The following NCOA2 variants were observed in gnomAD, a reference collection of about 807,000 sequenced individuals.
The protein encoded by NCOA2 is class E basic helix-loop-helix protein 75.
In NCOA2, 21 loss-of-function variants were observed where a neutral mutation model predicts 145.1. The observed-to-expected ratio is 0.14, with a 90% confidence interval of 0.10 to 0.21. NCOA2 has a LOEUF of 0.21. NCOA2 is among the 10% of genes least tolerant of loss of function. NCOA2 has a pLI of 1.00. For synonymous variants in NCOA2, 619 were observed against 637.5 expected, an observed-to-expected ratio of 0.97 and a Z score of 0.44; for missense variants, 1,472 against 1,837.6, an observed-to-expected ratio of 0.80 and a Z score of 3.64.
At chr8:70,271,007 T>C (rs961220753) in intron 2 of NCOA2, among the ~76,000 whole-genome samples, 1 of 152,272 alleles carries the variant, frequency 6.6e-6, no homozygotes, top group Non-Finnish European at 1.5e-5. Flanking sequence ...TGAAATTCTA[T>C]GAACATACTT....
chr8:70,438,703 C>G, the NCOA2 span, among the ~76,000 whole-genome samples: 1 of 152,224 alleles, frequency 6.6e-6, no homozygotes, highest in Non-Finnish European at 1.5e-5. Flanking sequence ...AAAATACATG[C>G]ATTTTAATAA....
chr8:70,135,951 C>T (rs1030358741), intron 15 of NCOA2, among the ~76,000 whole-genome samples: 1 of 152,140 alleles, frequency 6.6e-6, no homozygotes, highest in African/African-American at 2.4e-5. Flanking sequence ...ATAACATTAC[C>T]ATTTCTTCAC....
chr8:70,453,773 G>A, the NCOA2 span, among the ~76,000 whole-genome samples: 1 of 152,144 alleles, frequency 6.6e-6, no homozygotes, highest in East Asian at 1.9e-4. Context: ...ACACACAGAA[G>A]TCAAACACTG....
the NCOA2 span, among the ~76,000 whole-genome samples, chr8:70,440,404 C>T: frequency 4.6e-5 from 7 of 152,170 alleles, no homozygotes; most frequent in Non-Finnish European, 7.3e-5. Context: ...AAAACCCCGT[C>T]TCTAACAAAA....
chr8:70,245,527 C>T (rs1563674252), intron 2 of NCOA2, among the ~76,000 whole-genome samples: 1 of 151,956 alleles, frequency 6.6e-6, no homozygotes, highest in Non-Finnish European at 1.5e-5. Flanking sequence ...CTCCCTCTCT[C>T]TCCCTCTCCT....
At chr8:70,167,999 A>G (rs1019191639) in intron 6 of NCOA2, among the ~76,000 whole-genome samples, 9 of 152,228 alleles carry the variant, frequency 5.9e-5, no homozygotes, top group African/African-American at 1.7e-4. Flanking sequence ...TGCTTTATCT[A>G]AAATATACTG....
At chr8:70,197,335 T>C (rs1286126455) in intron 4 of NCOA2, among the ~76,000 whole-genome samples, 2 of 152,232 alleles carry the variant, frequency 1.3e-5, no homozygotes, top group Non-Finnish European at 2.9e-5. Context: ...TTCTTCTTTT[T>C]CTTAGATCCA....
intron 4 of NCOA2, among the ~76,000 whole-genome samples, chr8:70,192,604 G>A (rs1036496430): frequency 2.6e-5 from 4 of 152,228 alleles, no homozygotes; most frequent in Admixed American, 2.0e-4. Flanking sequence ...GGGCAGAAAG[G>A]AAGGAAGAGG....
At chr8:70,282,686 CAAAA>C (rs550448805) in intron 2 of NCOA2, among the ~76,000 whole-genome samples, 4 of 97,232 alleles carry the variant, frequency 4.1e-5, no homozygotes, top group Non-Finnish European at 4.5e-5. Context: ...AAAACTGCCT[CAAAA>C]AAAAAAAAAA....
At chr8:70,136,373 A>G (rs1304885546) in intron 15 of NCOA2, among the ~76,000 whole-genome samples, 1 of 152,160 alleles carries the variant, frequency 6.6e-6, no homozygotes, top group African/African-American at 2.4e-5. Flanking sequence ...AAACAAAAAA[A>G]CCAAACAAAA....
At chr8:70,215,164 C>A (rs147559258) in intron 3 of NCOA2, among the ~76,000 whole-genome samples, 1,731 of 152,146 alleles carry the variant, frequency 0.011, 27 homozygotes, top group African/African-American at 0.038. Flanking sequence ...GTTTTTACAG[C>A]AAAAGGTAAA....
intron 6 of NCOA2, among the ~76,000 whole-genome samples, chr8:70,169,593 G>A (rs1813999269): frequency 1.3e-5 from 2 of 152,148 alleles, no homozygotes; most frequent in South Asian, 4.1e-4. Flanking sequence ...AACAGGGTGA[G>A]GCAATGTGTC....
At chr8:70,249,049 T>G (rs1822869670) in intron 2 of NCOA2, among the ~76,000 whole-genome samples, 1 of 152,142 alleles carries the variant, frequency 6.6e-6, no homozygotes, top group Non-Finnish European at 1.5e-5. Context: ...TTCCTAGGAC[T>G]GTAAATATGA....
chr8:70,257,013 T>C (rs549556487), intron 2 of NCOA2, among the ~76,000 whole-genome samples: 4 of 152,328 alleles, frequency 2.6e-5, no homozygotes, highest in East Asian at 3.9e-4. Flanking sequence ...TGCCAGCCAC[T>C]CTGATAGGCG....
chr8:70,290,934 T>C (rs527767902), intron 2 of NCOA2, among the ~76,000 whole-genome samples: 2 of 152,288 alleles, frequency 1.3e-5, no homozygotes, highest in South Asian at 4.1e-4. Flanking sequence ...GAAAATAACA[T>C]ACATCTGGCA....
At chr8:70,344,892 G>A (rs1808482344) in intron 1 of NCOA2, among the ~76,000 whole-genome samples, 1 of 152,166 alleles carries the variant, frequency 6.6e-6, no homozygotes, top group African/African-American at 2.4e-5. Context: ...AATGTAAAAT[G>A]TGCCTCAAGT....
At chr8:70,408,286 G>C (rs748000282), upstream of NCOA2, among the ~76,000 whole-genome samples, 10 of 152,136 alleles carry the variant, frequency 6.6e-5, no homozygotes, top group Non-Finnish European at 1.2e-4. Flanking sequence ...AAATTCAAAA[G>C]AATCCATGAA....
intron 1 of NCOA2, among the ~76,000 whole-genome samples, chr8:70,322,766 C>T (rs192656100): frequency 1.1e-3 from 165 of 152,158 alleles, no homozygotes; most frequent in African/African-American, 3.8e-3. Context: ...AGGGTCTGGC[C>T]CATAGTAAAT....
chr8:70,341,276 A>T (rs1808120366), intron 1 of NCOA2, among the ~76,000 whole-genome samples: 1 of 152,026 alleles, frequency 6.6e-6, no homozygotes. Flanking sequence ...GCCTGTAGTC[A>T]CAGCTACTTG....
Sources: gnomAD v4.1 joint callset for allele counts (sites outside exome capture counted in the v4.1 genomes callset) on GRCh38, gnomAD v4.1.1 for gene constraint, MANE v1.5 for transcripts, NCBI Gene and HGNC (gene_info 2026-07-23, HGNC 2026-07-21) for gene names.